Variants in FGF14 observed in about 807,000 individuals in gnomAD.
The protein encoded by FGF14 is fibroblast growth factor homologous factor 4.
Under a neutral mutation model 25.5 loss-of-function variants are expected in FGF14, and 5 were observed. The ratio of observed to expected loss-of-function variants is 0.20; its 90% CI spans 0.10 to 0.41. FGF14 has a LOEUF of 0.41. Among genes scored for constraint, FGF14 ranks in the 10% least tolerant of loss-of-function variants. FGF14 has a pLI of 1.00. For missense variants in FGF14, 222 were observed against 320.1 expected (o/e 0.69, Z 2.34); for synonymous variants, 138 against 118.3 (o/e 1.17, Z -1.08).
chr13:101,821,815 C>T (rs990398670), intron 3 of FGF14, among the ~76,000 whole-genome samples: 15 of 152,148 alleles, frequency 9.9e-5, no homozygotes, highest in Non-Finnish European at 1.6e-4. Flanking sequence ...TCTTGGCTAT[C>T]TGTGTATCTT....
intron 1 of FGF14, among the ~76,000 whole-genome samples, chr13:102,313,340 G>A (rs1177586395): frequency 1.3e-5 from 2 of 152,188 alleles, no homozygotes; most frequent in Non-Finnish European, 2.9e-5. Flanking sequence ...TACAACAGAA[G>A]TGGAGAACTC....
rs117243334 is a variant in FGF14, at chr13:102,384,922, C to T, written c.208+16549G>A. Among the ~76,000 whole-genome samples the T allele has an allele frequency of 3.9e-5, 6 of 152,284 alleles. No individual in the cohort carries two copies. The East Asian group carries it at 1.2e-3, about 29-fold the overall frequency. On this transcript the variant is annotated intron_variant, in intron 1 of 4. Coordinates refer to the FGF14 transcript ENST00000376131. The stretch of plus-strand genomic sequence containing the variant: ...AAAAAATAATGCAGGACAGCACCTA[C>T]ACCAGAGATTTTCACCTTTTGTTCT...
chr13:101,903,268 C>T (rs1594666504), intron 1 of FGF14, among the ~76,000 whole-genome samples: 1 of 147,086 alleles, frequency 6.8e-6, no homozygotes, highest in Admixed American at 6.8e-5. Context: ...TGTGGTCATT[C>T]ATGTTAGTTA....
In FGF14 at chr13:102,108,445, C is replaced by T. The variant is rs9585846; in HGVS notation, c.209-233149G>A. 5.0e-3 allele frequency among the ~76,000 whole-genome samples: 754 copies of T among 152,226 alleles called. 7 individuals carry two copies. Among genetic ancestry groups the T allele is most frequent in the African/African-American group, 0.017 (720 of 41,546 alleles). ...AACAAGCAAAGGGTTAGAAATGTCT[C>T]CTACGGGGAGACGTGTTTAAAAAGT... On this transcript the variant is annotated intron_variant, in intron 1 of 4. Transcript: ENST00000376131.
chr13:102,205,177 A>G (rs535896610), intron 1 of FGF14, among the ~76,000 whole-genome samples: 1 of 152,062 alleles, frequency 6.6e-6, no homozygotes, highest in African/African-American at 2.4e-5. Flanking sequence ...TTAGGTGTGT[A>G]TGTGTGTGTG....
At chr13:102,302,514 T>A (rs2055121895) in intron 1 of FGF14, among the ~76,000 whole-genome samples, 2 of 151,980 alleles carry the variant, frequency 1.3e-5, no homozygotes, top group Admixed American at 1.3e-4. Context: ...CAAATTTACA[T>A]CCCCAATCCT....
At chr13:102,373,369 A>T (rs1442287024) in intron 1 of FGF14, 1 of 152,182 alleles carries the variant, frequency 6.6e-6, no homozygotes, top group Non-Finnish European at 1.5e-5. Context: ...CTGTAAGGTA[A>T]ATATGTAAGG....
chr13:102,332,790 C>A (rs2056673271), intron 1 of FGF14, among the ~76,000 whole-genome samples: 1 of 151,968 alleles, frequency 6.6e-6, no homozygotes, highest in Non-Finnish European at 1.5e-5. Context: ...AAAGAAGACC[C>A]CCCAAAAGCT....
Position 102,020,402 on chromosome 13 carries a change from G to A in FGF14, c.209-145106C>T, listed in dbSNP as rs182869713. Among the ~76,000 whole-genome samples the A allele has an allele frequency of 9.2e-5, 14 of 152,172 alleles. No individual in the cohort carries two copies. The East Asian group carries it at 2.5e-3, about 27-fold the overall frequency. ...TGTCTCTACTAAAAATACAAAATTAGCCAGGCGTGGTGGTGCATGCCTGTA... is the reference window on the plus strand; with the variant it reads ...TGTCTCTACTAAAAATACAAAATTAACCAGGCGTGGTGGTGCATGCCTGTA... On this transcript the variant is annotated intron_variant, in intron 1 of 4. Coordinates refer to the FGF14 transcript ENST00000376131.
intron 1 of FGF14, among the ~76,000 whole-genome samples, chr13:102,335,012 T>A (rs1350131031): frequency 6.6e-6 from 1 of 152,150 alleles, no homozygotes; most frequent in Admixed American, 6.6e-5. Context: ...CATCTTCTGC[T>A]TTTTTCCCGT....
intron 1 of FGF14, among the ~76,000 whole-genome samples, chr13:102,248,025 T>C (rs12100405): frequency 0.21 from 31,416 of 151,896 alleles, 3,524 homozygotes; most frequent in African/African-American, 0.28. Flanking sequence ...CACTTAGAAG[T>C]GGGAACTAAA....
In FGF14 at chr13:102,161,722, A is replaced by G. The variant is rs147757636; in HGVS notation, c.208+239749T>C. ...GAAGAAGAAGAAGAAGAAGAAGAAGAAGAATAGAAATGTGTTTAAGAATTC... is the reference window on the plus strand; with the variant it reads ...GAAGAAGAAGAAGAAGAAGAAGAAGGAGAATAGAAATGTGTTTAAGAATTC... On this transcript the variant is annotated intron_variant, in intron 1 of 4. Transcript: ENST00000376131. Among the ~76,000 whole-genome samples the G allele has an allele frequency of 5.8e-3, 860 of 149,108 alleles. 5 individuals are homozygous for G. The highest frequency in any genetic ancestry group is 9.8e-3 in the Non-Finnish European group (654 of 66,674).
chr13:102,178,811 G>A (rs1156776700), intron 1 of FGF14, among the ~76,000 whole-genome samples: 1 of 152,024 alleles, frequency 6.6e-6, no homozygotes, highest in African/African-American at 2.4e-5. Flanking sequence ...ATATATATGT[G>A]TGTGTGTATA....
Position 101,818,645 on chromosome 13 carries a change from A to G in FGF14, c.408+50080T>C, listed in dbSNP as rs2041960041. ...ACTCTATTAATAGATATTAATAGGT[A>G]TCTTAAGCAGAATTACAACCTGCCA... On this transcript the variant is annotated intron_variant, in intron 3 of 4. Coordinates refer to ENST00000376143, the MANE Select transcript of FGF14 (RefSeq NM_004115.4). 2.0e-5 allele frequency among the ~76,000 whole-genome samples: 3 copies of G among 152,236 alleles called. No homozygotes were observed. In the South Asian group the frequency reaches 6.2e-4, roughly 32 times the overall value.
chr13:101,930,858 C>A (rs1472077319), intron 1 of FGF14, among the ~76,000 whole-genome samples: 3 of 152,188 alleles, frequency 2.0e-5, no homozygotes, highest in Non-Finnish European at 4.4e-5. Flanking sequence ...AGGGGACTTA[C>A]AATCATCTGG....
At chr13:102,059,348 C>T (rs2042573758) in intron 1 of FGF14, among the ~76,000 whole-genome samples, 1 of 152,220 alleles carries the variant, frequency 6.6e-6, no homozygotes, top group Non-Finnish European at 1.5e-5. Flanking sequence ...AGAGGACTCA[C>T]TCTCACAATG....
intron 3 of FGF14, among the ~76,000 whole-genome samples, chr13:101,786,013 G>C (rs1242207486): frequency 6.6e-6 from 1 of 152,166 alleles, no homozygotes; most frequent in Non-Finnish European, 1.5e-5. Flanking sequence ...TGCACCCTGA[G>C]TCAGTGTCCA....
intron 1 of FGF14, among the ~76,000 whole-genome samples, chr13:102,161,596 A>AG (rs2047672687): frequency 2.3e-4 from 1 of 4,368 alleles, no homozygotes; most frequent in African/African-American, 1.1e-3. Flanking sequence ...GAAGAAGAAG[A>AG]AGAAGAAGAA....
intron 3 of FGF14, among the ~76,000 whole-genome samples, chr13:101,758,610 A>G (rs1445598285): frequency 2.6e-5 from 4 of 152,196 alleles, no homozygotes; most frequent in Non-Finnish European, 5.9e-5. Flanking sequence ...AAATAATTGC[A>G]GGGCTTGCTT....
Sources: allele counts gnomAD v4.1 joint callset (sites outside exome capture counted in the v4.1 genomes callset), GRCh38; gene constraint gnomAD v4.1.1; transcripts MANE v1.5; gene names NCBI Gene and HGNC (gene_info 2026-07-23, HGNC 2026-07-21).